The following TASP1 variants were observed in gnomAD, a reference collection of about 807,000 sequenced individuals.
TASP1 encodes taspase 1.
In TASP1, 16 loss-of-function variants were observed where a neutral mutation model predicts 56.6. The ratio of observed to expected loss-of-function variants is 0.28; its 90% confidence interval spans 0.19 to 0.43. The LOEUF is 0.43. Among genes scored for constraint, TASP1 ranks in the 20% least tolerant of loss-of-function variants. The pLI is 1.00. For synonymous variants in TASP1, 179 were observed against 184.2 expected, an observed-to-expected ratio of 0.97 and a Z score of 0.23; for missense variants, 393 against 511.6, an observed-to-expected ratio of 0.77 and a Z score of 2.24.
intron 9 of TASP1, among the ~76,000 whole-genome samples, chr20:13,532,569 C>A (rs1280743651): frequency 6.6e-6 from 1 of 152,188 alleles, no homozygotes; most frequent in African/African-American, 2.4e-5. Flanking sequence ...CACAAACTAG[C>A]CAAGTGAGGC....
At chr20:13,617,998 G>T (rs1280262370) in intron 4 of TASP1, among the ~76,000 whole-genome samples, 2 of 152,052 alleles carry the variant, frequency 1.3e-5, no homozygotes, top group Non-Finnish European at 2.9e-5. Context: ...AGAGCCCAGG[G>T]AAGAGAATAT....
chr20:13,214,548 CACACACACACACACAGAG>C, the TASP1 span, among the ~76,000 whole-genome samples: 11 of 135,626 alleles, frequency 8.1e-5, no homozygotes, highest in Non-Finnish European at 1.4e-4. Flanking sequence ...CACACACACA[CACACACACACACACAGAG>C]AGAGAGAGAG....
At chr20:13,240,591 G>T in the TASP1 span, among the ~76,000 whole-genome samples, 1 of 152,364 alleles carries the variant, frequency 6.6e-6, no homozygotes, top group Admixed American at 6.5e-5. Flanking sequence ...CAAGGATTTT[G>T]CAGGTCATGA....
intron 7 of TASP1, among the ~76,000 whole-genome samples, chr20:13,568,759 T>TAAA (rs1257777944): frequency 6.6e-6 from 1 of 152,176 alleles, no homozygotes; most frequent in Non-Finnish European, 1.5e-5. Flanking sequence ...ACAAGGCTTT[T>TAAA]AAAGCTTTTT....
intron 10 of TASP1, among the ~76,000 whole-genome samples, chr20:13,500,996 A>G (rs573305312): frequency 2.6e-5 from 4 of 152,096 alleles, no homozygotes; most frequent in Non-Finnish European, 5.9e-5. Context: ...GGAAAAAAAG[A>G]TACATTACAT....
chr20:13,143,369 G>A, the TASP1 span, among the ~76,000 whole-genome samples: 1 of 152,062 alleles, frequency 6.6e-6, no homozygotes, highest in Non-Finnish European at 1.5e-5. Context: ...ATATTCTGTA[G>A]CACTCAAGTT....
chr20:13,501,048 A>T (rs1453707447), intron 10 of TASP1, among the ~76,000 whole-genome samples: 1 of 152,094 alleles, frequency 6.6e-6, no homozygotes, highest in Non-Finnish European at 1.5e-5. Flanking sequence ...GAAACAATGG[A>T]TGCAAAAAGA....
At chr20:13,288,509 G>A in the TASP1 span, 1 of 1,609,118 alleles carries the variant, frequency 6.2e-7, no homozygotes, top group Non-Finnish European at 8.5e-7. Flanking sequence ...TTTGGCCAAA[G>A]TTGATGACCA....
intron 8 of TASP1, among the ~76,000 whole-genome samples, chr20:13,555,200 A>G (rs1474435766): frequency 6.6e-6 from 1 of 151,976 alleles, no homozygotes; most frequent in African/African-American, 2.4e-5. Flanking sequence ...CCTGGCCAAC[A>G]TGGTGAAACC....
chr20:13,562,975 T>C (rs1005924851), intron 7 of TASP1, among the ~76,000 whole-genome samples: 5 of 144,356 alleles, frequency 3.5e-5, no homozygotes, highest in East Asian at 2.1e-4. Flanking sequence ...TGCGTATGTA[T>C]GTGTGTGTAT....
At chr20:13,454,450 C>T (rs2043751573) in intron 11 of TASP1, among the ~76,000 whole-genome samples, 1 of 152,038 alleles carries the variant, frequency 6.6e-6, no homozygotes. Flanking sequence ...ATGAGCAAAC[C>T]CTCACCACAG....
chr20:13,533,885 G>T, intron 9 of TASP1, 137 bp downstream of exon 9: 2 of 1,032,172 alleles, frequency 1.9e-6, no homozygotes, highest in Non-Finnish European at 2.8e-6. Flanking sequence ...TTTGGTTGAT[G>T]ATTTATACTA....
At chr20:13,635,185 CGAAAAAAAA>C (rs1462169149) in intron 1 of TASP1, among the ~76,000 whole-genome samples, 1 of 151,366 alleles carries the variant, frequency 6.6e-6, no homozygotes, top group African/African-American at 2.4e-5. Flanking sequence ...TTAAGCTGTT[CGAAAAAAAA>C]GAAAAAAAAG....
chr20:13,270,425 G>A, the TASP1 span: 2 of 1,476,976 alleles, frequency 1.4e-6, no homozygotes. Flanking sequence ...CCTTGCTCCT[G>A]AATATAATGG....
the TASP1 span, among the ~76,000 whole-genome samples, chr20:13,146,317 C>T: frequency 6.6e-6 from 1 of 151,992 alleles, no homozygotes; most frequent in African/African-American, 2.4e-5. Context: ...GAAGAGAGAA[C>T]TATTGTACTG....
At chr20:13,476,184 T>C (rs2042945353) in intron 11 of TASP1, among the ~76,000 whole-genome samples, 1 of 152,188 alleles carries the variant, frequency 6.6e-6, no homozygotes, top group Non-Finnish European at 1.5e-5. Context: ...AAGTTTCTGT[T>C]GACCTACATG....
At chr20:13,183,872 A>G in the TASP1 span, among the ~76,000 whole-genome samples, 24 of 151,932 alleles carry the variant, frequency 1.6e-4, no homozygotes, top group Admixed American at 1.6e-3. Flanking sequence ...TACTAAAAAT[A>G]CAAAAAATTA....
chr20:13,513,420 G>A (rs2044410574), intron 10 of TASP1, among the ~76,000 whole-genome samples: 1 of 151,988 alleles, frequency 6.6e-6, no homozygotes, highest in African/African-American at 2.4e-5. Context: ...GAGGGAGGGA[G>A]AGAGACAGAA....
At chr20:13,537,163 T>C (rs1410376281) in intron 8 of TASP1, among the ~76,000 whole-genome samples, 3 of 152,160 alleles carry the variant, frequency 2.0e-5, no homozygotes, top group African/African-American at 7.2e-5. Context: ...ATGAGAACTG[T>C]TATACCTAAC....
Sources: allele counts gnomAD v4.1 joint callset (sites outside exome capture counted in the v4.1 genomes callset), GRCh38; gene constraint gnomAD v4.1.1; transcripts MANE v1.5; gene names NCBI Gene and HGNC (gene_info 2026-07-23, HGNC 2026-07-21).